SKIC3: variants seen among roughly 807,000 people sequenced by gnomAD.
SKIC3 encodes the protein SKI3 subunit of superkiller complex.
chr5:95,471,781 G>A, the SKIC3 span, among the ~76,000 whole-genome samples: 1 of 152,212 alleles, frequency 6.6e-6, no homozygotes, highest in African/African-American at 2.4e-5. Context: ...GCTCTCCAGG[G>A]TTGACAGATA....
chr5:95,508,173 G>A, the SKIC3 span, among the ~76,000 whole-genome samples: 3 of 151,972 alleles, frequency 2.0e-5, no homozygotes, highest in East Asian at 1.9e-4. Context: ...TTTGAACTAC[G>A]GAGAGATCCA....
chr5:95,521,692 C>A, the SKIC3 span, among the ~76,000 whole-genome samples: 1 of 151,802 alleles, frequency 6.6e-6, no homozygotes, highest in African/African-American at 2.4e-5. Flanking sequence ...ATTTAATGAG[C>A]TTGTATAACT....
chr5:95,504,501 T>A, the SKIC3 span, among the ~76,000 whole-genome samples: 92 of 152,002 alleles, frequency 6.1e-4, 3 homozygotes, highest in African/African-American at 2.2e-3. Flanking sequence ...GGATCTCTAA[T>A]TTTTTTAAGC....
the SKIC3 span, among the ~76,000 whole-genome samples, chr5:95,531,393 G>GA: frequency 6.6e-6 from 1 of 152,118 alleles, no homozygotes; most frequent in African/African-American, 2.4e-5. Context: ...GTAAGCCAGT[G>GA]AAAAAGACAC....
At chr5:95,525,402 T>C in the SKIC3 span, 1 of 1,613,874 alleles carries the variant, frequency 6.2e-7, no homozygotes, top group Non-Finnish European at 8.5e-7. Flanking sequence ...CCTTACCATT[T>C]TTCTGCTTGT....
At chr5:95,492,684 A>C in the SKIC3 span, among the ~76,000 whole-genome samples, 1 of 141,858 alleles carries the variant, frequency 7.0e-6, no homozygotes, top group Non-Finnish European at 1.5e-5. Flanking sequence ...AAAAAAAAAA[A>C]AAAAACAAGA....
chr5:95,550,732 GCAT>G, the SKIC3 span: 27 of 152,444 alleles, frequency 1.8e-4, no homozygotes, highest in African/African-American at 6.3e-4. Flanking sequence ...ACTTTTTAAC[GCAT>G]CAATTTTCAT....
the SKIC3 span, among the ~76,000 whole-genome samples, chr5:95,522,973 A>G: frequency 6.6e-6 from 1 of 152,168 alleles, no homozygotes; most frequent in African/African-American, 2.4e-5. Flanking sequence ...TACTATACAT[A>G]TGTATTAAGA....
chr5:95,464,460 C>T, the SKIC3 span: 2 of 614,076 alleles, frequency 3.3e-6, no homozygotes, highest in Non-Finnish European at 2.7e-6. Context: ...AAATTGCATT[C>T]CTAACTTAAA....
At chr5:95,527,542 T>C in the SKIC3 span, among the ~76,000 whole-genome samples, 4 of 152,216 alleles carry the variant, frequency 2.6e-5, no homozygotes, top group Non-Finnish European at 4.4e-5. Flanking sequence ...TTTTTTTCAC[T>C]ATGGACTTTC....
the SKIC3 span, among the ~76,000 whole-genome samples, chr5:95,499,161 G>GT: frequency 5.3e-5 from 8 of 152,118 alleles, 1 homozygote; most frequent in Admixed American, 5.2e-4. Flanking sequence ...ATATGGTTTG[G>GT]ACCTGTGTCT....
the SKIC3 span, chr5:95,541,204 G>T: frequency 9.4e-7 from 1 of 1,067,660 alleles, no homozygotes; most frequent in East Asian, 2.5e-5. Context: ...GACCTCAGGT[G>T]ATCTGCCTGC....
the SKIC3 span, among the ~76,000 whole-genome samples, chr5:95,469,018 C>T: frequency 6.6e-6 from 1 of 152,146 alleles, no homozygotes; most frequent in South Asian, 2.1e-4. Context: ...CTTCCACCAT[C>T]CCTATTTTGT....
At chr5:95,501,000 A>G in the SKIC3 span, among the ~76,000 whole-genome samples, 1 of 152,150 alleles carries the variant, frequency 6.6e-6, no homozygotes, top group South Asian at 2.1e-4. Flanking sequence ...TAAAGTATCT[A>G]TAGTAACTCT....
At chr5:95,489,584 G>C in the SKIC3 span, among the ~76,000 whole-genome samples, 1 of 146,294 alleles carries the variant, frequency 6.8e-6, no homozygotes, top group African/African-American at 2.5e-5. Flanking sequence ...AGAGAAAATA[G>C]CATCAAATAA....
chr5:95,467,588 C>T, the SKIC3 span, among the ~76,000 whole-genome samples: 1 of 152,078 alleles, frequency 6.6e-6, no homozygotes, highest in Non-Finnish European at 1.5e-5. Context: ...TTTTGATGTT[C>T]TAATATCGAA....
chr5:95,531,295 GA>G, the SKIC3 span, among the ~76,000 whole-genome samples: 1 of 152,118 alleles, frequency 6.6e-6, no homozygotes, highest in East Asian at 1.9e-4. Context: ...CACCAAAAAT[GA>G]AAAGAATTAA....
chr5:95,500,226 G>A, the SKIC3 span, among the ~76,000 whole-genome samples: 1 of 152,158 alleles, frequency 6.6e-6, no homozygotes, highest in African/African-American at 2.4e-5. Flanking sequence ...AGTTAGAACT[G>A]AGTATTCTCC....
the SKIC3 span, among the ~76,000 whole-genome samples, chr5:95,496,083 T>C: frequency 6.6e-6 from 1 of 151,912 alleles, no homozygotes; most frequent in Non-Finnish European, 1.5e-5. Flanking sequence ...GGTGGCATGA[T>C]CTCGGCTCAC....
Sources: allele counts gnomAD v4.1 joint callset (sites outside exome capture counted in the v4.1 genomes callset), GRCh38; gene constraint gnomAD v4.1.1; transcripts MANE v1.5; gene names NCBI Gene and HGNC (gene_info 2026-07-23, HGNC 2026-07-21).